The following SBNO2 variants were observed in gnomAD, a reference collection of about 807,000 sequenced individuals.
SBNO2 encodes the protein protein strawberry notch homolog 2.
A neutral mutation model predicts 146.3 loss-of-function variants in SBNO2; 89 were observed. The observed-to-expected ratio is 0.61, with a 90% confidence interval of 0.51 to 0.73. SBNO2 has a LOEUF of 0.73. SBNO2 is among the 30% of genes least tolerant of loss of function. The probability of loss-of-function intolerance (pLI) is 0.00; values close to 1 mark genes in which losing one functional copy is unlikely to be tolerated. For synonymous variants in SBNO2, 1,147 were observed against 892.6 expected, an observed-to-expected ratio of 1.29 and a Z score of -5.08; for missense variants, 2,092 against 2,003.7, an observed-to-expected ratio of 1.04 and a Z score of -0.84.
At chr19:1,159,380 A>G (rs955984060) in intron 1 of SBNO2, among the ~76,000 whole-genome samples, 63 of 148,946 alleles carry the variant, frequency 4.2e-4, no homozygotes, top group African/African-American at 1.3e-3. Context: ...AGCCCGGGGC[A>G]AGGGAGGCCT....
intron 4 of SBNO2, among the ~76,000 whole-genome samples, chr19:1,135,656 G>A (rs987353361): frequency 2.6e-5 from 4 of 152,218 alleles, no homozygotes; most frequent in African/African-American, 9.6e-5. Flanking sequence ...GACCAGTCCC[G>A]CAGCAACGCT....
At position 1,158,178 on chromosome 19, in the gene SBNO2, C is replaced by T. The variant is rs1180538657; in HGVS notation, c.-126-3776G>A. On this transcript the variant is annotated intron_variant, in intron 1 of 31. Coordinates refer to ENST00000361757, the MANE Select transcript of SBNO2 (RefSeq NM_014963.3). The surrounding 1 kb of genome is among the most constrained non-coding windows in gnomAD (Gnocchi z 9.9). ...CAGCTCAGCCTCCTGATGTTCAGAA[C>T]TGGCCACTGTGCGGACCCTCCCCCT... is the stretch of plus-strand genomic sequence containing the variant. Among the ~76,000 whole-genome samples, 5 of 152,344 alleles carry T rather than the reference C, an allele frequency of 3.3e-5. No homozygotes were observed. In the South Asian group the frequency reaches 8.3e-4, roughly 25 times the overall value.
rs1328660362 is a variant in SBNO2 at position 1,127,672 on chromosome 19, G to A, written c.373C>T (p.Pro125Ser). Residue 125 changes from proline (P) to serine (S), a missense_variant, in exon 5 of 32, where the codon CCG becomes TCG. Physicochemically the swap from Pro to Ser is moderately conservative, Grantham distance 74. Coordinates refer to ENST00000361757, the MANE Select transcript of SBNO2 (RefSeq NM_014963.3). ...GACACCTGGTTGAGGCTGTCAGCCGGCAGGAAGTCGGGCGTGTCCACGATG... is the reference window on the plus strand; with the variant it reads ...GACACCTGGTTGAGGCTGTCAGCCGACAGGAAGTCGGGCGTGTCCACGATG... ...SDIVDTPDFL[P>S]ADSLNQVSTI... 7.4e-6 allele frequency: 12 copies of A among 1,613,420 alleles called. No individual in the cohort carries two copies. The highest frequency in any genetic ancestry group is 1.0e-5 in the Non-Finnish European group (12 of 1,179,858).
At position 1,110,232 on chromosome 19, in the gene SBNO2, C is replaced by G. The variant is rs573934522; in HGVS notation, c.3029-455G>C. On this transcript the variant is annotated intron_variant, in intron 26 of 31. Transcript: ENST00000361757. This position sits in a 1 kb window ranked among gnomAD's most constrained non-coding sequence, Gnocchi z 4.9. ...GAGTGAAGTAGCCATGGCCCGGACC[C>G]GACCCTCATCTGGACACAGGGAAGT... 6.6e-6 allele frequency among the ~76,000 whole-genome samples: 1 copy of G among 152,110 alleles called. No homozygotes were observed. Among genetic ancestry groups the G allele is most frequent in the Non-Finnish European group, 1.5e-5 (1 of 67,996 alleles).
At position 1,110,337 on chromosome 19, in the gene SBNO2, G is replaced by A. The variant is rs1012593633; in HGVS notation, c.3028+408C>T. 1.3e-5 allele frequency among the ~76,000 whole-genome samples: 2 copies of A among 152,166 alleles called. No homozygotes were observed. Among genetic ancestry groups the A allele is most frequent in the African/African-American group, 2.4e-5 (1 of 41,434 alleles). On this transcript the variant is annotated intron_variant, in intron 26 of 31. Coordinates refer to ENST00000361757, the MANE Select transcript of SBNO2 (RefSeq NM_014963.3). The surrounding 1 kb of genome is among the most constrained non-coding windows in gnomAD (Gnocchi z 4.9). ...TTTCGTTCACAACAATGTAGCAGGT[G>A]CCCCGTGAAGCCTGGGGATGAGCAT...
chr19:1,172,955 G>T (rs2145369695), intron 1 of SBNO2, among the ~76,000 whole-genome samples: 1 of 151,098 alleles, frequency 6.6e-6, no homozygotes, highest in South Asian at 2.1e-4. Flanking sequence ...CCGGGAAGAA[G>T]CAGCCAGGGG....
chr19:1,171,132 C>T (rs1220908640), intron 1 of SBNO2, among the ~76,000 whole-genome samples: 5 of 151,814 alleles, frequency 3.3e-5, no homozygotes, highest in Non-Finnish European at 7.4e-5. Context: ...CACAGACACG[C>T]ACACAATGTG....
chr19:1,159,192 G>A (rs1005972088), intron 1 of SBNO2, among the ~76,000 whole-genome samples: 1 of 151,306 alleles, frequency 6.6e-6, no homozygotes, highest in Non-Finnish European at 1.5e-5. Flanking sequence ...AGGACCGGGT[G>A]CAGGGGGCGG....
rs747764211 is a variant in SBNO2, at chr19:1,119,068, G to A, written c.1470C>T (p.Ile490=). 10 of 1,605,734 alleles carry A rather than the reference G, an allele frequency of 6.2e-6. No individual in the cohort carries two copies. The highest frequency in any genetic ancestry group is 1.3e-5 in the African/African-American group (1 of 74,878). The change falls in exon 14 of 32, where the codon ATC becomes ATT. Residue 490 remains isoleucine (I), a synonymous_variant. Coordinates refer to ENST00000361757, the MANE Select transcript of SBNO2 (RefSeq NM_014963.3). ...QLSFSGVTFR[I]EEIPLAPAFE... is the part of the protein sequence containing the mutation. ...AGGCTGGGGCCAGCGGGATCTCCTC[G>A]ATGCGGAAGGTGACGCCGGAGAAGC...
intron 15 of SBNO2, 137 bp from the exon 16 acceptor site, chr19:1,117,063 C>CCA: frequency 1.2e-6 from 1 of 858,588 alleles, no homozygotes. Flanking sequence ...GGCCACGGCC[C>CCA]CCCTACAACA....
chr19:1,118,923 A>G (rs2079864716), intron 14 of SBNO2, 88 bp downstream of exon 14: 1 of 1,382,934 alleles, frequency 7.2e-7, no homozygotes, highest in African/African-American at 1.4e-5. Flanking sequence ...CCGTCACCTG[A>G]TGACGCCTGT....
intron 1 of SBNO2, among the ~76,000 whole-genome samples, chr19:1,155,441 T>C (rs1322575107): frequency 6.6e-6 from 1 of 152,214 alleles, no homozygotes; most frequent in African/African-American, 2.4e-5. Context: ...GCCTGCTCCC[T>C]GCAGTCAGGA....
rs2079760526 is a variant in SBNO2 at position 1,111,570 on chromosome 19, G to A, written c.2745C>T (p.Ser915=). ...GCACAGGCACTTTGTTCTCAGTCTG[G>A]CTCAGGATGGTGGTGAGGACACAGT... is the stretch of plus-strand genomic sequence containing the variant. ...ALHCVLTTIL[S]QTENKVPVPQ... is the part of the protein sequence containing the mutation. Residue 915 remains serine, a synonymous_variant, in exon 24 of 32, where the codon AGC becomes AGT. Coordinates refer to ENST00000361757, the MANE Select transcript of SBNO2 (RefSeq NM_014963.3). 6.3e-7 allele frequency: 1 copy of A among 1,597,836 alleles called. No homozygotes were observed. The highest frequency in any genetic ancestry group is 8.5e-7 in the Non-Finnish European group (1 of 1,172,542).
At chr19:1,113,345 G>A (rs945436504) in intron 19 of SBNO2, among the ~76,000 whole-genome samples, 190 bp downstream of exon 19, 2 of 152,184 alleles carry the variant, frequency 1.3e-5, no homozygotes, top group African/African-American at 4.8e-5. Flanking sequence ...GTCCACAGGA[G>A]GTCGTGGCCT....
intron 1 of SBNO2, among the ~76,000 whole-genome samples, chr19:1,172,784 C>CT (rs1192976573): frequency 1.1e-5 from 1 of 90,294 alleles, no homozygotes; most frequent in African/African-American, 5.3e-5. Flanking sequence ...AACCGCCCCC[C>CT]CCGCCCCGGC....
intron 11 of SBNO2, 40 bp from the exon 12 acceptor site, chr19:1,120,063 G>C: frequency 6.6e-7 from 1 of 1,514,678 alleles, no homozygotes; most frequent in Non-Finnish European, 9.0e-7. Flanking sequence ...TGAAGGACGG[G>C]GGCGACCCCA....
chr19:1,128,347 G>GAC (rs202101550), intron 4 of SBNO2: 25 of 355,646 alleles, frequency 7.0e-5, no homozygotes, highest in Middle Eastern at 4.3e-4. Flanking sequence ...CCATGGGGAT[G>GAC]ACACACACAC....
At chr19:1,163,987 C>T (rs142601115) in intron 1 of SBNO2, among the ~76,000 whole-genome samples, 18 of 152,324 alleles carry the variant, frequency 1.2e-4, no homozygotes, top group Non-Finnish European at 2.1e-4. Context: ...GCCCTGAGGA[C>T]GGGGTCGGAA....
Position 1,108,107 on chromosome 19 carries a change from G to T in SBNO2, c.*113C>A. 8.3e-7 allele frequency: 1 copy of T among 1,201,342 alleles called. No homozygotes were observed. The allele number at this position is 1,201,342 out of a possible 1,614,324, so 74.4% of individuals were successfully genotyped here. On this transcript the variant is annotated 3_prime_UTR_variant, in exon 32 of 32. Transcript: ENST00000361757. ...TCGGGCGCTGAAGGCACTGCGGCCA[G>T]GGCCTAGGGCTCCTCTGAGCAGTGG...
Sources: gnomAD v4.1 joint callset for allele counts (sites outside exome capture counted in the v4.1 genomes callset) on GRCh38, gnomAD v4.1.1 for gene constraint, Gnocchi (gnomAD v3.1) non-coding constraint, MANE v1.5 for transcripts, NCBI Gene and HGNC (gene_info 2026-07-23, HGNC 2026-07-21) for gene names.